Variants in ARHGEF10 observed in about 807,000 individuals in gnomAD.
ARHGEF10 encodes the protein Rho guanine nucleotide exchange factor (GEF) 10.
A neutral mutation model predicts 147.4 loss-of-function variants in ARHGEF10; 140 were observed. The ratio of observed to expected loss-of-function variants is 0.95; its 90% confidence interval spans 0.83 to 1.09. The LOEUF (loss-of-function observed/expected upper bound fraction) is 1.09. Among genes scored for constraint, ARHGEF10 ranks in the 50% least tolerant of loss-of-function variants. The probability of loss-of-function intolerance (pLI) is 0.00; values close to 1 mark genes in which losing one functional copy is unlikely to be tolerated. For missense variants in ARHGEF10, 2,222 were observed against 1,752.7 expected (o/e 1.27, Z -4.78); for synonymous variants, 902 against 695.8 (o/e 1.30, Z -4.67).
intron 25 of ARHGEF10, among the ~76,000 whole-genome samples, chr8:1,930,693 C>T (rs182014482): frequency 5.4e-4 from 82 of 152,352 alleles, no homozygotes; most frequent in African/African-American, 1.9e-3. Context: ...GTGTTATTTG[C>T]CCCCGGACTT....
intron 2 of ARHGEF10, among the ~76,000 whole-genome samples, chr8:1,852,875 G>A (rs891379148): frequency 6.6e-6 from 1 of 152,162 alleles, no homozygotes; most frequent in African/African-American, 2.4e-5. Flanking sequence ...TGCTGCTGTC[G>A]GTCAGCATTA....
intron 24 of ARHGEF10, 105 bp from the exon 25 acceptor site, chr8:1,929,181 A>C: frequency 1.6e-6 from 2 of 1,268,866 alleles, no homozygotes; most frequent in Non-Finnish European, 2.3e-6. Flanking sequence ...TGGAGAAGGA[A>C]GGGCAAGAGG....
At chr8:1,950,651 G>A (rs555107312) in intron 27 of ARHGEF10, among the ~76,000 whole-genome samples, 46 of 151,452 alleles carry the variant, frequency 3.0e-4, no homozygotes, top group Non-Finnish European at 4.9e-4. Context: ...TCCTGCCTCA[G>A]CTCCTGAGTA....
rs192969351 is a variant in ARHGEF10, at chr8:1,908,494, A to G, written c.1968-801A>G. Among the ~76,000 whole-genome samples the G allele has an allele frequency of 1.5e-4, 23 of 152,216 alleles. No homozygotes were observed. In the East Asian group the frequency reaches 3.9e-3, roughly 26 times the overall value. ...TGATCTGCCTGCCTTGGCCTCCCAA[A>G]GTGCTGGGATTACAGGCGTGAGCCA... On this transcript the variant is annotated intron_variant, in intron 17 of 28. Transcript: ENST00000349830.
At position 1,876,599 on chromosome 8, in the gene ARHGEF10, T is replaced by C. The variant is rs778508278; in HGVS notation, c.708T>C (p.Asn236=). Residue 236 remains asparagine, a synonymous_variant, in exon 8 of 29, where the codon AAT becomes AAC. Coordinates refer to ENST00000349830, the MANE Select transcript of ARHGEF10 (RefSeq NM_014629.4). Reference sequence around the variant, plus strand: ...AAATGATTTATGATGATGTTGAGAATGGGGATGAAGGTGGAAACAGCTCCT... The same window carrying C: ...AAATGATTTATGATGATGTTGAGAACGGGGATGAAGGTGGAAACAGCTCCT... ...PDEMIYDDVE[N]GDEGGNSSLE... is the part of the protein sequence containing the mutation. The C allele has an allele frequency of 1.2e-6, 2 of 1,614,196 alleles. No homozygotes were observed. Among genetic ancestry groups the C allele is most frequent in the Non-Finnish European group, 1.7e-6 (2 of 1,180,042 alleles).
intron 28 of ARHGEF10, among the ~76,000 whole-genome samples, chr8:1,953,535 C>T (rs570715001): frequency 5.2e-5 from 8 of 152,386 alleles, no homozygotes; most frequent in Admixed American, 3.9e-4. Context: ...GCTTGTGTGT[C>T]TGGAATCAGG....
intron 25 of ARHGEF10, among the ~76,000 whole-genome samples, chr8:1,930,574 C>T (rs867424833): frequency 9.4e-5 from 14 of 148,184 alleles, no homozygotes; most frequent in Non-Finnish European, 8.9e-5. Flanking sequence ...TTGTTCCTTG[C>T]TCACAAGGCA....
chr8:1,889,190 G>T (rs1809147691), intron 11 of ARHGEF10, among the ~76,000 whole-genome samples: 1 of 101,672 alleles, frequency 9.8e-6, no homozygotes, highest in Non-Finnish European at 1.9e-5. Context: ...GGAGAGCGTG[G>T]GGTGAGGTTT....
At chr8:1,892,277 CTGTGTGTG>C (rs66526026) in intron 11 of ARHGEF10, among the ~76,000 whole-genome samples, 10,671 of 126,560 alleles carry the variant, frequency 0.084, 422 homozygotes, top group South Asian at 0.11. Context: ...GCTTCTGGCT[CTGTGTGTG>C]TGTGTGTGTG....
chr8:1,850,022 C>CCGCG (rs1804942620), intron 2 of ARHGEF10, among the ~76,000 whole-genome samples: 1 of 83,492 alleles, frequency 1.2e-5, no homozygotes, highest in African/African-American at 4.3e-5. Flanking sequence ...CGTGGGCCGG[C>CCGCG]TGCATGGACA....
chr8:1,901,581 G>A lies in ARHGEF10; in HGVS notation c.1651-1700G>A, dbSNP rs114032552. Among the ~76,000 whole-genome samples, 497 of 152,330 alleles carry A rather than the reference G, an allele frequency of 3.3e-3. 5 individuals carry two copies. Among genetic ancestry groups the A allele is most frequent in the African/African-American group, 0.011 (467 of 41,570 alleles). On this transcript the variant is annotated intron_variant, in intron 15 of 28. Transcript: ENST00000349830. Reference sequence around the variant, plus strand: ...AACAATTTCTGATAATAACAGCAGCGAGAAACTTCACTTTTCTCCTTCCCT... The same window carrying A: ...AACAATTTCTGATAATAACAGCAGCAAGAAACTTCACTTTTCTCCTTCCCT...
At chr8:1,891,039 G>T (rs1457077771) in intron 11 of ARHGEF10, among the ~76,000 whole-genome samples, 1 of 152,126 alleles carries the variant, frequency 6.6e-6, no homozygotes, top group Non-Finnish European at 1.5e-5. Flanking sequence ...TTTGAAGGGT[G>T]GATTTTAATG....
intron 28 of ARHGEF10, among the ~76,000 whole-genome samples, chr8:1,953,860 C>T (rs181024517): frequency 1.0e-3 from 153 of 152,266 alleles, no homozygotes; most frequent in Non-Finnish European, 1.2e-3. Context: ...ACAGAGAAAA[C>T]GCTTTGCAGG....
At chr8:1,837,638 G>C (rs867201513) in intron 1 of ARHGEF10, among the ~76,000 whole-genome samples, 4 of 152,170 alleles carry the variant, frequency 2.6e-5, no homozygotes, top group African/African-American at 9.7e-5. Flanking sequence ...GAACAGACGC[G>C]GCAGGCGTAC....
At chr8:1,854,469 C>T (rs1465755568) in intron 2 of ARHGEF10, among the ~76,000 whole-genome samples, 1 of 152,184 alleles carries the variant, frequency 6.6e-6, no homozygotes, top group African/African-American at 2.4e-5. Context: ...GAATTTGTAA[C>T]ACACATCATT....
At chr8:1,830,930 C>A (rs1489398487) in intron 1 of ARHGEF10, among the ~76,000 whole-genome samples, 1 of 152,234 alleles carries the variant, frequency 6.6e-6, no homozygotes, top group African/African-American at 2.4e-5. Context: ...AGCCCATTCC[C>A]AGTGGGAGGA....
intron 27 of ARHGEF10, chr8:1,946,002 T>C (rs1814558538): frequency 2.3e-5 from 10 of 438,128 alleles, no homozygotes; most frequent in South Asian, 2.2e-4. Context: ...AGCCAGGACC[T>C]GAGGCTGAAG....
In ARHGEF10 at chr8:1,947,485, T is replaced by C. The variant is rs548938411; in HGVS notation, c.3397+1830T>C. On this transcript the variant is annotated intron_variant, in intron 27 of 28. Coordinates refer to ENST00000349830, the MANE Select transcript of ARHGEF10 (RefSeq NM_014629.4). ...AAGGCTCTGGCAAGTGTGAGTGGAG[T>C]TTGTATTTTGAATTTGATTTCTTAA... Among the ~76,000 whole-genome samples, 134 of 152,102 alleles carry C rather than the reference T, an allele frequency of 8.8e-4. 2 individuals carry two copies. In the South Asian group the frequency reaches 0.014, roughly 16 times the overall value.
chr8:1,845,689 G>C (rs1227938016), intron 2 of ARHGEF10, among the ~76,000 whole-genome samples: 2 of 152,196 alleles, frequency 1.3e-5, no homozygotes, highest in Admixed American at 6.5e-5. Flanking sequence ...GTCCTGGCTA[G>C]TGCCTGGCAC....
Sources: gnomAD v4.1 joint callset for allele counts (sites outside exome capture counted in the v4.1 genomes callset) on GRCh38, gnomAD v4.1.1 for gene constraint, MANE v1.5 for transcripts, NCBI Gene and HGNC (gene_info 2026-07-23, HGNC 2026-07-21) for gene names.